Variants in CRYM observed in about 807,000 individuals in gnomAD.
CRYM encodes the protein ketimine reductase mu-crystallin.
CRYM carries 18 observed loss-of-function variants against 32.9 expected under a neutral mutation model. The ratio of observed to expected loss-of-function variants is 0.55; its 90% CI spans 0.38 to 0.81. CRYM has a LOEUF of 0.81. Ranked by LOEUF, CRYM falls within the 30% of genes least tolerant of loss-of-function variation. The pLI, the probability that CRYM is intolerant of heterozygous loss-of-function variation, is 0.00. For synonymous variants in CRYM, 153 were observed against 152.4 expected (o/e 1.00, Z -0.03); for missense variants, 337 against 393.5 (o/e 0.86, Z 1.21).
intron 1 of CRYM, among the ~76,000 whole-genome samples, chr16:21,289,798 TGATTGGCCCATTTACAGAGTGCC>T (rs1344599784): frequency 2.6e-5 from 4 of 151,870 alleles, no homozygotes; most frequent in Admixed American, 2.0e-4. Flanking sequence ...TACAGAGCGC[TGATTGGCCCATTTACAGAGTGCC>T]GATTGGTCCA....
rs567917369 is a variant in CRYM, at chr16:21,262,016, C to G, written c.795+21G>C. Reference sequence around the variant, plus strand: ...GAGGCCAGCCAGGTGGCAGCCCTGACTGGGGTCAGAAGGGCCTCACCCCTG... The same window carrying G: ...GAGGCCAGCCAGGTGGCAGCCCTGAGTGGGGTCAGAAGGGCCTCACCCCTG... On this transcript the variant is annotated intron_variant, in intron 6 of 7. Coordinates refer to ENST00000572914, the MANE Select transcript of CRYM (RefSeq NM_001376256.1). The G allele has an allele frequency of 5.9e-5, 96 of 1,613,650 alleles. 4 individuals carry two copies. In the South Asian group the frequency reaches 9.9e-4, roughly 17 times the overall value.
chr16:21,298,073 C>A (rs1021270975), intron 1 of CRYM, among the ~76,000 whole-genome samples: 2 of 152,214 alleles, frequency 1.3e-5, no homozygotes, highest in African/African-American at 2.4e-5. Context: ...CCTGCAGGCA[C>A]CTGTCTCTCC....
intron 1 of CRYM, among the ~76,000 whole-genome samples, chr16:21,292,088 T>C (rs1960671022): frequency 6.6e-6 from 1 of 152,100 alleles, no homozygotes; most frequent in African/African-American, 2.4e-5. Flanking sequence ...CATTCATAAA[T>C]AGCTTTAATT....
At chr16:21,275,717 C>T (rs1379628931) in intron 2 of CRYM, 123 bp from the exon 3 acceptor site, 2 of 768,142 alleles carry the variant, frequency 2.6e-6, no homozygotes, top group African/African-American at 1.7e-5. Flanking sequence ...ATGGGTTTGG[C>T]GTCAGACCTG....
At chr16:21,292,136 AACATGT>A (rs1960672592) in intron 1 of CRYM, among the ~76,000 whole-genome samples, 1 of 152,266 alleles carries the variant, frequency 6.6e-6, no homozygotes, top group East Asian at 1.9e-4. Flanking sequence ...AATGTCCATC[AACATGT>A]GAATGGGTAA....
At chr16:21,299,111 C>T (rs1567243621) in intron 1 of CRYM, among the ~76,000 whole-genome samples, 1 of 152,100 alleles carries the variant, frequency 6.6e-6, no homozygotes, top group Non-Finnish European at 1.5e-5. Flanking sequence ...GCTATTCTTA[C>T]TATGATTATT....
chr16:21,302,024 A>T (rs1477918049), intron 1 of CRYM, among the ~76,000 whole-genome samples: 2 of 152,184 alleles, frequency 1.3e-5, no homozygotes, highest in African/African-American at 4.8e-5. Flanking sequence ...CCCCCAAACA[A>T]AACTCACGCA....
chr16:21,278,341 G>C (rs1031426559), upstream of CRYM: 164 of 1,481,766 alleles, frequency 1.1e-4, no homozygotes, highest in Non-Finnish European at 1.4e-4. Flanking sequence ...GCTGCTCTGT[G>C]GAGCCGCCTG....
intron 1 of CRYM, among the ~76,000 whole-genome samples, chr16:21,301,747 G>A (rs1960944227): frequency 6.6e-6 from 1 of 152,170 alleles, no homozygotes; most frequent in South Asian, 2.1e-4. Context: ...GCCAGCTCCC[G>A]GCCGGGTCCG....
intron 7 of CRYM, chr16:21,260,954 A>G: frequency 1.5e-5 from 7 of 468,806 alleles, no homozygotes; most frequent in Non-Finnish European, 2.7e-5. Flanking sequence ...TTCATTTTAT[A>G]TGCAAATCCC....
chr16:21,264,889 G>A (rs1204351600), intron 5 of CRYM, among the ~76,000 whole-genome samples: 1 of 152,164 alleles, frequency 6.6e-6, no homozygotes, highest in Non-Finnish European at 1.5e-5. Flanking sequence ...ACTGAATCCT[G>A]CCACACCATG....
Position 21,267,695 on chromosome 16 carries a change from C to A in CRYM, c.532G>T (p.Ala178Ser). 1 of 1,614,220 alleles carries A rather than the reference C, an allele frequency of 6.2e-7. No individual in the cohort carries two copies. Among genetic ancestry groups the A allele is most frequent in the Non-Finnish European group, 8.5e-7 (1 of 1,180,036 alleles). The change falls in exon 5 of 8, where the codon GCA becomes TCA. Residue 178 changes from alanine (A) to serine (S), a missense_variant. Coordinates refer to ENST00000572914, the MANE Select transcript of CRYM (RefSeq NM_001376256.1). Reference sequence around the variant, plus strand: ...CGTACCTCTCCTTGCACTGTGTCTGCAAACTTCTCTGCATTTTCTTTGGTG... The same window carrying A: ...CGTACCTCTCCTTGCACTGTGTCTGAAAACTTCTCTGCATTTTCTTTGGTG... Reference protein sequence around the residue: ...NRTKENAEKFADTVQGEVRVC... With the variant: ...NRTKENAEKFSDTVQGEVRVC...
Position 21,278,247 on chromosome 16 carries a change from C to A in CRYM, c.5G>T (p.Ser2Ile), listed in dbSNP as rs1230269448. M[S>I]RVPAFLSAAE... Reference sequence around the variant, plus strand: ...CGCGCTCAGGAACGCTGGTACCCGGCTCATCTCGCCACCTGTGCCTTCTAA... The same window carrying A: ...CGCGCTCAGGAACGCTGGTACCCGGATCATCTCGCCACCTGTGCCTTCTAA... The change falls in exon 1 of 8, where the codon AGC becomes ATC. Residue 2 changes from serine to isoleucine, a missense_variant. Coordinates refer to ENST00000572914, the MANE Select transcript of CRYM (RefSeq NM_001376256.1). The A allele has an allele frequency of 6.3e-6, 10 of 1,585,212 alleles. No homozygotes were observed. The highest frequency in any genetic ancestry group is 7.7e-6 in the Non-Finnish European group (9 of 1,169,532).
rs2093348783 is a variant in CRYM, at chr16:21,258,680, G to C, written c.*101C>G. 2.0e-6 allele frequency: 2 copies of C among 990,916 alleles called. No individual in the cohort carries two copies. Among genetic ancestry groups the C allele is most frequent in the Non-Finnish European group, 3.2e-6 (2 of 618,072 alleles). The allele number at this position is 990,916 out of a possible 1,614,324, so 61.4% of individuals were successfully genotyped here. ...AGGTAAAACATGATAAGCACAAAAG[G>C]AGAGTTCACTGGGGACTGGACTCCC... On this transcript the variant is annotated 3_prime_UTR_variant, in exon 8 of 8. Coordinates refer to ENST00000572914, the MANE Select transcript of CRYM (RefSeq NM_001376256.1).
At chr16:21,269,322 G>T (rs1039692413) in intron 4 of CRYM, among the ~76,000 whole-genome samples, 2 of 152,050 alleles carry the variant, frequency 1.3e-5, no homozygotes, top group Non-Finnish European at 2.9e-5. Flanking sequence ...TTCCCAGGGG[G>T]AAGCATGAGA....
chr16:21,267,641 C>T lies in CRYM; in HGVS notation c.586G>A (p.Ala196Thr), dbSNP rs756499307. 1 of 1,614,222 alleles carries T rather than the reference C, an allele frequency of 6.2e-7. No homozygotes were observed. The highest frequency in any genetic ancestry group is 1.1e-5 in the South Asian group (1 of 91,086). Reference protein sequence around the residue: ...RVCSSVQEAVAGADVIITVTL... With the variant: ...RVCSSVQEAVTGADVIITVTL... ...ACTGTGATGATCACATCTGCACCTG[C>T]CACAGCCTCCTGGACCGAAGAACAG... Residue 196 changes from alanine (A) to threonine (T), a missense_variant, in exon 5 of 8, where the codon GCA becomes ACA. Physicochemically the swap from Ala to Thr is moderately conservative, Grantham distance 58. Coordinates refer to ENST00000572914, the MANE Select transcript of CRYM (RefSeq NM_001376256.1).
At chr16:21,264,680 C>G (rs911868453) in intron 5 of CRYM, among the ~76,000 whole-genome samples, 1 of 152,182 alleles carries the variant, frequency 6.6e-6, no homozygotes, top group East Asian at 1.9e-4. Flanking sequence ...GCCAGGAAAA[C>G]AGAAGAGATG....
chr16:21,291,384 C>G (rs1490583425), intron 1 of CRYM, among the ~76,000 whole-genome samples: 1 of 152,088 alleles, frequency 6.6e-6, no homozygotes, highest in Non-Finnish European at 1.5e-5. Flanking sequence ...TACTGGTAGT[C>G]AATTACTTAT....
rs750286709 is a variant in CRYM at position 21,277,406 on chromosome 16, C to A, written c.324+25G>T. 31 of 1,610,918 alleles carry A rather than the reference C, an allele frequency of 1.9e-5. No homozygotes were observed. The highest frequency in any genetic ancestry group is 2.1e-5 in the Non-Finnish European group (25 of 1,179,738). On this transcript the variant is annotated intron_variant, in intron 2 of 7. Transcript: ENST00000572914. This position sits in a 1 kb window ranked among gnomAD's most constrained non-coding sequence, Gnocchi z 4.2. The stretch of plus-strand genomic sequence containing the variant: ...CAATCTGGGCCCAGGGGCCCCATTC[C>A]ACCCCGGGACAGGAAGTTGCTCACC...
Sources: allele counts gnomAD v4.1 joint callset (sites outside exome capture counted in the v4.1 genomes callset), GRCh38; gene constraint gnomAD v4.1.1; non-coding constraint Gnocchi (gnomAD v3.1); transcripts MANE v1.5; gene names NCBI Gene and HGNC (gene_info 2026-07-23, HGNC 2026-07-21).